Variants in DACH2 observed in about 807,000 individuals in gnomAD.
DACH2 encodes dachshund family transcription factor 2, also known as dachshund homolog 2.
Under a neutral mutation model 35.8 loss-of-function variants are expected in DACH2, and 17 were observed. The ratio of observed to expected loss-of-function variants is 0.48; its 90% CI spans 0.33 to 0.71. DACH2 has a LOEUF of 0.71. Among genes scored for constraint, DACH2 ranks in the 30% least tolerant of loss-of-function variants. DACH2 has a pLI of 0.02. For synonymous variants in DACH2, 195 were observed against 177.3 expected (o/e 1.10, Z -0.79); for missense variants, 469 against 472.7 (o/e 0.99, Z 0.07).
intron 1 of DACH2, among the ~76,000 whole-genome samples, chrX:86,165,170 G>A (rs770993417): frequency 2.7e-5 from 3 of 110,470 alleles, no homozygotes; most frequent in Non-Finnish European, 3.8e-5. Flanking sequence ...CACTGTATTC[G>A]TAGGTATTTT....
chrX:86,153,927 A>G (rs1314664306), intron 1 of DACH2, among the ~76,000 whole-genome samples: 1 of 111,683 alleles, frequency 9.0e-6, no homozygotes, highest in Non-Finnish European at 1.9e-5. Flanking sequence ...ATGATGCAGT[A>G]TATCTTTGGA....
intron 1 of DACH2, among the ~76,000 whole-genome samples, chrX:86,268,136 G>C (rs754664453): frequency 2.7e-5 from 3 of 112,374 alleles, no homozygotes; most frequent in African/African-American, 9.7e-5. Context: ...CGTGTGAAAA[G>C]AGCTGGGTTA....
chrX:86,267,926 C>T (rs189866474), intron 1 of DACH2, among the ~76,000 whole-genome samples: 1 of 112,088 alleles, frequency 8.9e-6, no homozygotes, highest in Admixed American at 9.5e-5. Context: ...ATGGCATAAA[C>T]ATCAGTCTGC....
At chrX:86,809,945 T>A (rs57400490) in intron 7 of DACH2, among the ~76,000 whole-genome samples, 36,254 of 110,049 alleles carry the variant, frequency 0.33, 4,857 homozygotes, top group Middle Eastern at 0.42. Context: ...ATTGCCTGCA[T>A]ACCTCTTATA....
chrX:86,686,112 A>G (rs2040939591), intron 4 of DACH2, among the ~76,000 whole-genome samples: 1 of 112,435 alleles, frequency 8.9e-6, no homozygotes, highest in African/African-American at 3.2e-5. Flanking sequence ...CAATACTTAC[A>G]CTAGCAAGAA....
At chrX:86,478,203 T>C (rs2037877900) in intron 2 of DACH2, among the ~76,000 whole-genome samples, 1 of 112,040 alleles carries the variant, frequency 8.9e-6, no homozygotes, top group Non-Finnish European at 1.9e-5. Flanking sequence ...CAGTAAGTTT[T>C]GTACCTTCAG....
At chrX:86,775,292 A>G (rs746642949) in intron 7 of DACH2, among the ~76,000 whole-genome samples, 4 of 111,005 alleles carry the variant, frequency 3.6e-5, no homozygotes, top group African/African-American at 1.3e-4. Context: ...TGGGCCTTGG[A>G]CCAGTACAGG....
chrX:86,686,409 T>G (rs2040943788), intron 4 of DACH2, among the ~76,000 whole-genome samples: 3 of 109,516 alleles, frequency 2.7e-5, no homozygotes, highest in South Asian at 8.0e-4. Flanking sequence ...ATTTTTATAT[T>G]GTTAGTAGAG....
At position 86,643,800 on chromosome X, in the gene DACH2, T is replaced by C. The variant is rs1456691079; in HGVS notation, c.641-7236T>C. 5.4e-5 allele frequency among the ~76,000 whole-genome samples: 6 copies of C among 111,586 alleles called. No homozygotes were observed. The Admixed American group carries it at 5.7e-4, about 11-fold the overall frequency. On this transcript the variant is annotated intron_variant, in intron 3 of 11. Transcript: ENST00000373125. The stretch of plus-strand genomic sequence containing the variant: ...TAGGCTTCATCCCCAGGATGCAAGG[T>C]TGGTTCAACATACAAAAATCAATAA...
At chrX:86,580,159 G>T (rs760747734) in intron 3 of DACH2, among the ~76,000 whole-genome samples, 34 of 111,690 alleles carry the variant, frequency 3.0e-4, no homozygotes, top group African/African-American at 1.1e-3. Context: ...GAAGCCAGTT[G>T]ACTAAACCCC....
intron 1 of DACH2, among the ~76,000 whole-genome samples, chrX:86,238,546 C>T (rs770675887): frequency 2.9e-4 from 32 of 111,495 alleles, no homozygotes; most frequent in Non-Finnish European, 5.8e-4. Flanking sequence ...TTATAATGTT[C>T]CAGCATAAGT....
At chrX:86,400,408 T>A (rs1391534325) in intron 2 of DACH2, among the ~76,000 whole-genome samples, 1 of 112,021 alleles carries the variant, frequency 8.9e-6, no homozygotes, top group African/African-American at 3.3e-5. Context: ...CCAGCTTTAT[T>A]CCATTGCTAG....
intron 1 of DACH2, among the ~76,000 whole-genome samples, chrX:86,280,897 C>A (rs1396995194): frequency 5.4e-5 from 6 of 111,658 alleles, no homozygotes. Context: ...ATAAGAAGAG[C>A]TAACTACCCT....
chrX:86,719,932 C>CTTTTTTTTTTTTTTTTTTT (rs57079697), intron 6 of DACH2, among the ~76,000 whole-genome samples: 2 of 75,588 alleles, frequency 2.6e-5, no homozygotes, highest in African/African-American at 5.0e-5. Flanking sequence ...TTTCTTTTTT[C>CTTTTTTTTTTTTTTTTTTT]TTTTTTTTTT....
chrX:86,677,313 C>T (rs1440327480), intron 4 of DACH2, among the ~76,000 whole-genome samples: 4 of 112,039 alleles, frequency 3.6e-5, no homozygotes, highest in African/African-American at 1.3e-4. Flanking sequence ...GTTTGTAAAG[C>T]TGGCCCTGCC....
chrX:86,444,100 T>A (rs1435309973), intron 2 of DACH2, among the ~76,000 whole-genome samples: 2 of 111,383 alleles, frequency 1.8e-5, no homozygotes, highest in Non-Finnish European at 3.8e-5. Context: ...TTTTATTTTA[T>A]TTTTTATTAA....
intron 2 of DACH2, among the ~76,000 whole-genome samples, chrX:86,432,001 C>A (rs73631941): frequency 0.012 from 1,284 of 111,484 alleles, 18 homozygotes; most frequent in African/African-American, 0.039. Context: ...TTTGTTGTTT[C>A]TGGATTGACA....
chrX:86,237,585 G>T (rs946689858), intron 1 of DACH2, among the ~76,000 whole-genome samples: 2 of 111,607 alleles, frequency 1.8e-5, no homozygotes, highest in African/African-American at 3.3e-5. Flanking sequence ...TGAGCCCACT[G>T]TTCTTGTTCC....
chrX:86,397,160 T>C (rs2036312582), intron 2 of DACH2, among the ~76,000 whole-genome samples: 1 of 110,800 alleles, frequency 9.0e-6, no homozygotes, highest in Non-Finnish European at 1.9e-5. Flanking sequence ...CAATTGTGAA[T>C]GGGAGTTCAC....
Sources: gnomAD v4.1 joint callset for allele counts (sites outside exome capture counted in the v4.1 genomes callset) on GRCh38, gnomAD v4.1.1 for gene constraint, MANE v1.5 for transcripts, NCBI Gene and HGNC (gene_info 2026-07-23, HGNC 2026-07-21) for gene names.